The following TMEM74 variants were observed in gnomAD, a reference collection of about 807,000 sequenced individuals.
TMEM74 encodes transmembrane protein 74.
A neutral mutation model predicts 18.1 loss-of-function variants in TMEM74; 13 were observed. The ratio of observed to expected loss-of-function variants is 0.72; its 90% confidence interval spans 0.47 to 1.14. TMEM74 has a LOEUF of 1.14. Ranked by LOEUF, TMEM74 falls within the 50% of genes most tolerant of loss-of-function variation. TMEM74 has a pLI of 0.00. For synonymous variants in TMEM74, 159 were observed against 146.6 expected, an observed-to-expected ratio of 1.08 and a Z score of -0.61; for missense variants, 372 against 375.9, an observed-to-expected ratio of 0.99 and a Z score of 0.09.
rs1814332418 is a variant in TMEM74, at chr8:108,783,388, G to C, written c.*793C>G. 1.3e-5 allele frequency: 2 copies of C among 152,274 alleles called. No homozygotes were observed. Among genetic ancestry groups the C allele is most frequent in the Admixed American group, 1.3e-4 (2 of 15,274 alleles). The allele number at this position is 152,274 out of a possible 1,614,324, so 9.4% of individuals were successfully genotyped here. Reference sequence around the variant, plus strand: ...TGGTGTGAGAACCAGCAGACTTCAAGAGCACAGATAACCAGTATGATGGCA... The same window carrying C: ...TGGTGTGAGAACCAGCAGACTTCAACAGCACAGATAACCAGTATGATGGCA... On this transcript the variant is annotated 3_prime_UTR_variant, in exon 2 of 2. Coordinates refer to ENST00000297459, the MANE Select transcript of TMEM74 (RefSeq NM_153015.3).
intron 2 of TMEM74, among the ~76,000 whole-genome samples, chr8:108,615,632 G>A (rs1812374989): frequency 2.0e-5 from 3 of 152,150 alleles, no homozygotes; most frequent in Admixed American, 6.5e-5. Flanking sequence ...GTGGAAGGGA[G>A]AAGAAGAAAA....
intron 2 of TMEM74, among the ~76,000 whole-genome samples, chr8:108,620,196 A>AT (rs1812425697): frequency 6.6e-6 from 1 of 152,112 alleles, no homozygotes; most frequent in African/African-American, 2.4e-5. Context: ...TTTCATCTAC[A>AT]TTTTCTCTGA....
intron 1 of TMEM74, among the ~76,000 whole-genome samples, chr8:108,752,037 ATGT>A (rs1193197370): frequency 7.2e-6 from 1 of 138,514 alleles, no homozygotes; most frequent in East Asian, 2.2e-4. Flanking sequence ...CAATCAATTA[ATGT>A]TGTTGAATGA....
At chr8:108,661,710 A>T (rs1162792346) in intron 1 of TMEM74, among the ~76,000 whole-genome samples, 1 of 152,066 alleles carries the variant, frequency 6.6e-6, no homozygotes, top group Non-Finnish European at 1.5e-5. Context: ...AGGCTCTGGA[A>T]GCACTAAATC....
chr8:108,756,695 A>AGAAAGAAAGAAGGAAG (rs1398631410), intron 1 of TMEM74, among the ~76,000 whole-genome samples: 36 of 84,652 alleles, frequency 4.3e-4, no homozygotes, highest in Middle Eastern at 7.4e-3. Flanking sequence ...AAAGAAAGAA[A>AGAAAGAAAGAAGGAAG]GAAGGAAGGA....
chr8:108,765,673 G>C (rs545087872), intron 1 of TMEM74, among the ~76,000 whole-genome samples: 20 of 152,136 alleles, frequency 1.3e-4, no homozygotes, highest in Admixed American at 8.5e-4. Flanking sequence ...CTCCCAAAGT[G>C]CTGGGAGTAC....
rs556650701 is a variant in TMEM74, at chr8:108,679,838, A to G, written n.120-24401T>C. Among the ~76,000 whole-genome samples, 6 of 152,262 alleles carry G rather than the reference A, an allele frequency of 3.9e-5. No homozygotes were observed. In the South Asian group the frequency reaches 1.2e-3, roughly 32 times the overall value. On this transcript the variant is annotated intron_variant and non_coding_transcript_variant, in intron 1 of 3. Coordinates refer to the TMEM74 transcript ENST00000518838. ...GTCCTTGCCCATGCCTATGTCCTGA[A>G]TGGTATTGCCTAGGTTTTCTTCTAG...
At chr8:108,639,241 A>G (rs1001705679) in intron 2 of TMEM74, among the ~76,000 whole-genome samples, 1 of 152,192 alleles carries the variant, frequency 6.6e-6, no homozygotes, top group African/African-American at 2.4e-5. Flanking sequence ...TACCTGGTAC[A>G]TGTAGCTAAT....
chr8:108,715,169 T>C (rs1364709509), intron 1 of TMEM74, among the ~76,000 whole-genome samples: 2 of 152,182 alleles, frequency 1.3e-5, no homozygotes, highest in Admixed American at 6.5e-5. Flanking sequence ...ATTTGGCATA[T>C]AAACATGTTT....
At chr8:108,702,119 C>T (rs576409329) in intron 1 of TMEM74, among the ~76,000 whole-genome samples, 6 of 151,704 alleles carry the variant, frequency 4.0e-5, no homozygotes, top group East Asian at 3.9e-4. Context: ...ATGAGGTGGG[C>T]GGATCATGAG....
At chr8:108,607,235 A>T (rs528810513) in exon 4 of TMEM74, 1 of 152,256 alleles carries the variant, frequency 6.6e-6, no homozygotes, top group Non-Finnish European at 1.5e-5. Flanking sequence ...ACAAGGTCAC[A>T]TGACAGGAGA....
intron 1 of TMEM74, among the ~76,000 whole-genome samples, chr8:108,756,151 G>C (rs1163742091): frequency 6.6e-6 from 1 of 151,918 alleles, no homozygotes; most frequent in Admixed American, 6.6e-5. Context: ...AAACGATTAG[G>C]TTTTATCCAC....
chr8:108,687,251 C>A (rs1335297648), intron 1 of TMEM74, among the ~76,000 whole-genome samples: 1 of 151,906 alleles, frequency 6.6e-6, no homozygotes, highest in South Asian at 2.1e-4. Flanking sequence ...GCCAACAAAC[C>A]TATAAAACCC....
intron 2 of TMEM74, among the ~76,000 whole-genome samples, chr8:108,611,525 A>G (rs1460185765): frequency 6.6e-6 from 1 of 152,226 alleles, no homozygotes. Flanking sequence ...GCTCATAGAA[A>G]ACATAATGGT....
At chr8:108,628,006 T>A (rs1433486635) in intron 2 of TMEM74, among the ~76,000 whole-genome samples, 3 of 152,106 alleles carry the variant, frequency 2.0e-5, no homozygotes, top group African/African-American at 7.2e-5. Flanking sequence ...TGCAATTAAC[T>A]GAAGTGGTGC....
At chr8:108,621,984 C>T (rs1245395779) in intron 2 of TMEM74, among the ~76,000 whole-genome samples, 1 of 152,018 alleles carries the variant, frequency 6.6e-6, no homozygotes, top group African/African-American at 2.4e-5. Context: ...ATCTTCCTAG[C>T]GAATTTTTTT....
chr8:108,720,728 CTATT>C (rs3049754), intron 1 of TMEM74, among the ~76,000 whole-genome samples: 7,846 of 149,380 alleles, frequency 0.053, 576 homozygotes, highest in African/African-American at 0.16. Flanking sequence ...TAAGATATAA[CTATT>C]TATTTATTTA....
At chr8:108,767,886 CA>C (rs1426145486) in intron 1 of TMEM74, among the ~76,000 whole-genome samples, 1 of 151,688 alleles carries the variant, frequency 6.6e-6, no homozygotes, top group Non-Finnish European at 1.5e-5. Context: ...TTTTCAGGGA[CA>C]TTTTGATTTC....
At chr8:108,634,935 C>T (rs1205389162) in intron 2 of TMEM74, among the ~76,000 whole-genome samples, 1 of 151,934 alleles carries the variant, frequency 6.6e-6, no homozygotes, top group East Asian at 1.9e-4. Context: ...TACACGCTGG[C>T]ATGGAGGGCT....
Sources: gnomAD v4.1 joint callset for allele counts (sites outside exome capture counted in the v4.1 genomes callset) on GRCh38, gnomAD v4.1.1 for gene constraint, MANE v1.5 for transcripts, NCBI Gene and HGNC (gene_info 2026-07-23, HGNC 2026-07-21) for gene names.